Variants in HK3 observed in about 807,000 individuals in gnomAD.
The protein encoded by HK3 is hexokinase-3.
HK3 carries 93 observed loss-of-function variants against 91.0 expected under a neutral mutation model. The observed-to-expected ratio is 1.02, with a 90% confidence interval of 0.86 to 1.21. The LOEUF (loss-of-function observed/expected upper bound fraction) is 1.21. HK3 is among the 50% of genes most tolerant of loss of function. The probability of loss-of-function intolerance (pLI) is 0.00; values close to 1 mark genes in which losing one functional copy is unlikely to be tolerated. For synonymous variants in HK3, 519 were observed against 516.9 expected, an observed-to-expected ratio of 1.00 and a Z score of -0.06; for missense variants, 1,235 against 1,247.4, an observed-to-expected ratio of 0.99 and a Z score of 0.15.
chr5:176,889,276 A>T lies in HK3; in HGVS notation c.914+105T>A, dbSNP rs570763998. ...TTGCTCCCTGGAGACCCTCAGAGTG[A>T]CAGGGAGGGGCCTAAGGGCCTGAGA... On this transcript the variant is annotated intron_variant, in intron 8 of 18. Coordinates refer to ENST00000292432, the MANE Select transcript of HK3 (RefSeq NM_002115.3). The T allele has an allele frequency of 3.9e-3, 4,955 of 1,282,050 alleles. 12 individuals carry two copies. Among genetic ancestry groups the T allele is most frequent in the Non-Finnish European group, 5.0e-3 (4,635 of 923,588 alleles). The allele number at this position is 1,282,050 out of a possible 1,614,324, so 79.4% of individuals were successfully genotyped here. A position where few individuals can be genotyped will look rare whatever the true frequency, so the allele number is the denominator to read the frequency against.
At chr5:176,893,527 G>A (rs1758830264) in intron 2 of HK3, among the ~76,000 whole-genome samples, 1 of 152,172 alleles carries the variant, frequency 6.6e-6, no homozygotes, top group South Asian at 2.1e-4. Flanking sequence ...ACATCTGAGG[G>A]CCACGAGGAG....
chr5:176,890,182 C>G (rs374977182), intron 6 of HK3, among the ~76,000 whole-genome samples: 3 of 152,270 alleles, frequency 2.0e-5, no homozygotes, highest in Admixed American at 2.0e-4. Context: ...TTGTGTGTGG[C>G]CTTCTCTGAG....
intron 1 of HK3, among the ~76,000 whole-genome samples, chr5:176,897,513 T>G (rs1303221489): frequency 6.6e-6 from 1 of 152,150 alleles, no homozygotes; most frequent in Non-Finnish European, 1.5e-5. Flanking sequence ...ACTCCCACTA[T>G]GCTCACTAAT....
At chr5:176,883,294 T>C (rs138431319) in intron 15 of HK3, among the ~76,000 whole-genome samples, 1 of 152,274 alleles carries the variant, frequency 6.6e-6, no homozygotes, top group African/African-American at 2.4e-5. Context: ...TCATTGCTCA[T>C]TGGTCCCCTG....
chr5:176,882,938 C>G (rs535906756), intron 15 of HK3, among the ~76,000 whole-genome samples: 2 of 152,306 alleles, frequency 1.3e-5, no homozygotes, highest in South Asian at 2.1e-4. Flanking sequence ...AAACCTCCCC[C>G]TCAAGAGAGG....
Position 176,890,955 on chromosome 5 carries a change from G to A in HK3, c.415-14C>T, listed in dbSNP as rs372638067. ...AAAGTCAAAGAGCTGCAGGAGAAGT[G>A]GGGGGGCTCAGCCTTGCCCATCTGA... On this transcript the variant is annotated splice_polypyrimidine_tract_variant and intron_variant, in intron 4 of 18. Transcript: ENST00000292432. 4.4e-5 allele frequency: 71 copies of A among 1,613,718 alleles called. 1 individual carries two copies. In the Admixed American group the frequency reaches 1.1e-3, roughly 26 times the overall value.
chr5:176,889,731 T>C lies in HK3; in HGVS notation c.644A>G (p.Asp215Gly). 6.2e-7 allele frequency: 1 copy of C among 1,613,766 alleles called. No individual in the cohort carries two copies. The highest frequency in any genetic ancestry group is 8.5e-7 in the Non-Finnish European group (1 of 1,179,920). ...TGTGTCGTTCACCACAGCAACCACG[T>C]CGATGTTGTAGGCCTAGATGATGAA... ...AIRRQGAYNIDVVAVVNDTVG... is the reference protein window; with the variant it reads ...AIRRQGAYNIGVVAVVNDTVG... The change falls in exon 7 of 19, where the codon GAC becomes GGC. Residue 215 changes from aspartate to glycine, a missense_variant. Physicochemically the swap from Asp to Gly is moderately conservative, Grantham distance 94 (BLOSUM62 -1). This residue lies in a region of HK3 where 717 missense variants were observed against 751.6 expected (regional missense o/e 0.95). Coordinates refer to ENST00000292432, the MANE Select transcript of HK3 (RefSeq NM_002115.3).
Position 176,891,490 on chromosome 5 carries a change from T to A in HK3, c.157A>T (p.Ser53Cys). The A allele has an allele frequency of 6.2e-7, 1 of 1,614,202 alleles. No homozygotes were observed. Among genetic ancestry groups the A allele is most frequent in the Non-Finnish European group, 8.5e-7 (1 of 1,180,022 alleles). The change falls in exon 3 of 19, where the codon AGC (serine) becomes TGC (cysteine). Residue 53 changes from serine to cysteine, a missense_variant. Coordinates refer to ENST00000292432, the MANE Select transcript of HK3 (RefSeq NM_002115.3). ...GCCTGCTCCATGGAACCCAAGAGGC[T>A]GGCTTGGATCTGCTGTAGCTGTGCC... is the stretch of plus-strand genomic sequence containing the variant. ...TRAQLQQIQA[S>C]LLGSMEQALR...
At chr5:176,888,121 G>A (rs1758652270) in intron 10 of HK3, among the ~76,000 whole-genome samples, 1 of 152,024 alleles carries the variant, frequency 6.6e-6, no homozygotes, top group South Asian at 2.1e-4. Context: ...CCCCCGTGTC[G>A]CCATGGCCTC....
At position 176,897,527 on chromosome 5, in the gene HK3, C is replaced by T. The variant is rs369984442; in HGVS notation, c.-26-1342G>A. Among the ~76,000 whole-genome samples the T allele has an allele frequency of 3.3e-5, 5 of 152,286 alleles. No homozygotes were observed. In the South Asian group the frequency reaches 6.2e-4, roughly 19 times the overall value. On this transcript the variant is annotated intron_variant, in intron 1 of 18. Transcript: ENST00000292432. ...TACTCCCACTATGCTCACTAATTTGCCCTCCACGTGGTCACTGGTGACCTC... is the reference window on the plus strand; with the variant it reads ...TACTCCCACTATGCTCACTAATTTGTCCTCCACGTGGTCACTGGTGACCTC...
intron 6 of HK3, 30 bp from the exon 7 acceptor site, chr5:176,889,774 C>T (rs766532936): frequency 1.4e-5 from 23 of 1,603,088 alleles, no homozygotes; most frequent in Non-Finnish European, 2.0e-5. Context: ...GAGGTCAAGG[C>T]TGGCCTGAGT....
rs1412460117 is a variant in HK3 at position 176,889,325 on chromosome 5, C to A, written c.914+56G>T. The A allele has an allele frequency of 5.1e-6, 8 of 1,555,704 alleles. No homozygotes were observed. The South Asian group carries it at 6.9e-5, about 13-fold the overall frequency. ...GAACAGGGACAGAAGGGGTTGGGAG[C>A]AGAGCAGTCATAGACAGGGCCTGGA... is the stretch of plus-strand genomic sequence containing the variant. On this transcript the variant is annotated intron_variant, in intron 8 of 18. Transcript: ENST00000292432.
rs936982601 is a variant in HK3 at position 176,889,578 on chromosome 5, C to A, written c.731-14G>T. 2.9e-5 allele frequency: 46 copies of A among 1,614,018 alleles called. No individual in the cohort carries two copies. The highest frequency in any genetic ancestry group is 3.9e-5 in the Non-Finnish European group (46 of 1,179,964). On this transcript the variant is annotated splice_polypyrimidine_tract_variant and intron_variant, in intron 7 of 18. Transcript: ENST00000292432. ...TGGTGCCCGTGTCTGGCAGAGACAA[C>A]CCTGTCAAGGCCTGCTAGCCAGGCA... is the stretch of plus-strand genomic sequence containing the variant.
Position 176,889,501 on chromosome 5 carries a change from C to T in HK3, c.794G>A (p.Arg265Gln), listed in dbSNP as rs372314303. 5.9e-5 allele frequency: 95 copies of T among 1,614,044 alleles called. No homozygotes were observed. The highest frequency in any genetic ancestry group is 7.5e-5 in the Non-Finnish European group (88 of 1,180,040). The change falls in exon 8 of 19, where the codon CGG becomes CAG. Residue 265 changes from arginine (R) to glutamine (Q), a missense_variant. Arg to Gln is a conservative substitution (Grantham distance 43). Around this residue, in one of 3 missense-constraint regions of HK3, gnomAD observed 717 missense variants for 751.6 expected, o/e 0.95. Coordinates refer to ENST00000292432, the MANE Select transcript of HK3 (RefSeq NM_002115.3). Reference protein sequence around the residue: ...ARHVAVLDEDRGRVCVSVEWG... With the variant: ...ARHVAVLDEDQGRVCVSVEWG... ...CTCGACGCTGACGCAGACGCGGCCCCGGTCTTCGTCCAGCACTGCCACATG... is the reference window on the plus strand; with the variant it reads ...CTCGACGCTGACGCAGACGCGGCCCTGGTCTTCGTCCAGCACTGCCACATG...
In HK3 at chr5:176,881,632, TC is replaced by T. The variant is rs1758431941; in HGVS notation, c.2393+59del. 3.1e-6 allele frequency: 5 copies of T among 1,602,590 alleles called. No homozygotes were observed. The Admixed American group carries it at 8.4e-5, about 27-fold the overall frequency. On this transcript the variant is annotated intron_variant, in intron 17 of 18. Coordinates refer to ENST00000292432, the MANE Select transcript of HK3 (RefSeq NM_002115.3). ...CCTCGTCACCACCCATGGCCAGCAATCCCCCACAGTGGACAGAAAGACCCCC... is the reference window on the plus strand; with the variant it reads ...CCTCGTCACCACCCATGGCCAGCAATCCCCACAGTGGACAGAAAGACCCCC...
chr5:176,896,160 G>A lies in HK3; in HGVS notation c.-1C>T. 4 of 1,598,404 alleles carry A rather than the reference G, an allele frequency of 2.5e-6. No homozygotes were observed. The East Asian group carries it at 9.0e-5, about 36-fold the overall frequency. ...ACCCTGAAGACCCAATGGAGTCCATGAGCTTCCACAGTGGAAGGTGGCCAC... is the reference window on the plus strand; with the variant it reads ...ACCCTGAAGACCCAATGGAGTCCATAAGCTTCCACAGTGGAAGGTGGCCAC... On this transcript the variant is annotated 5_prime_UTR_variant, in exon 2 of 19. Coordinates refer to ENST00000292432, the MANE Select transcript of HK3 (RefSeq NM_002115.3).
intron 3 of HK3, 28 bp from the exon 4 acceptor site, chr5:176,891,219 C>T: frequency 1.2e-6 from 2 of 1,614,082 alleles, no homozygotes; most frequent in Non-Finnish European, 1.7e-6. Flanking sequence ...CACAGAAAGC[C>T]ATGCAGCTGG....
intron 2 of HK3, among the ~76,000 whole-genome samples, chr5:176,892,200 A>G (rs1318161183): frequency 1.3e-5 from 2 of 152,214 alleles, no homozygotes; most frequent in African/African-American, 4.8e-5. Flanking sequence ...GCACGTGAAC[A>G]TACAATTTGG....
rs187324584 is a variant in HK3 at position 176,899,007 on chromosome 5, C to T, written c.-27+260G>A. Reference sequence around the variant, plus strand: ...AAAATTAGCTGGGTGTGGTGGTGTGCGCCTGTAGTCTCAGCTACTCCGGAG... The same window carrying T: ...AAAATTAGCTGGGTGTGGTGGTGTGTGCCTGTAGTCTCAGCTACTCCGGAG... On this transcript the variant is annotated intron_variant, in intron 1 of 18. Coordinates refer to ENST00000292432, the MANE Select transcript of HK3 (RefSeq NM_002115.3). 2.7e-3 allele frequency among the ~76,000 whole-genome samples: 410 copies of T among 152,194 alleles called. 1 individual carries two copies. The highest frequency in any genetic ancestry group is 9.6e-3 in the African/African-American group (399 of 41,508).
Sources: allele counts gnomAD v4.1 joint callset (sites outside exome capture counted in the v4.1 genomes callset), GRCh38; gene constraint gnomAD v4.1.1; regional missense constraint gnomAD v4.1.1; transcripts MANE v1.5; gene names NCBI Gene and HGNC (gene_info 2026-07-23, HGNC 2026-07-21).